Variants in ZFHX3 observed in about 807,000 individuals in gnomAD.
ZFHX3 encodes the protein zinc finger homeobox protein 3.
ZFHX3 carries 42 observed loss-of-function variants against 279.1 expected under a neutral mutation model. The ratio of observed to expected loss-of-function variants is 0.15; its 90% CI spans 0.12 to 0.19. The LOEUF (loss-of-function observed/expected upper bound fraction) is 0.19, where lower values mean the gene tolerates loss of function less well. ZFHX3 is among the 10% of genes least tolerant of loss of function. The probability of loss-of-function intolerance (pLI) is 1.00; values close to 1 mark genes in which losing one functional copy is unlikely to be tolerated. For missense variants in ZFHX3, 4,981 were observed against 4,754.0 expected, an observed-to-expected ratio of 1.05 and a Z score of -1.40; for synonymous variants, 2,293 against 1,957.8, an observed-to-expected ratio of 1.17 and a Z score of -4.52.
intron 3 of ZFHX3, among the ~76,000 whole-genome samples, chr16:72,930,323 T>G (rs1959716428): frequency 6.6e-6 from 1 of 152,154 alleles, no homozygotes; most frequent in Non-Finnish European, 1.5e-5. Flanking sequence ...GAGCGGCATC[T>G]GATCAAAACA....
At chr16:73,021,354 C>G (rs1254777734) in intron 1 of ZFHX3, among the ~76,000 whole-genome samples, 1 of 152,176 alleles carries the variant, frequency 6.6e-6, no homozygotes, top group South Asian at 2.1e-4. Context: ...ACTCTATGTC[C>G]TGTCTTGTCC....
At chr16:73,195,857 G>A (rs773962982) in intron 5 of ZFHX3, among the ~76,000 whole-genome samples, 3 of 152,168 alleles carry the variant, frequency 2.0e-5, no homozygotes, top group African/African-American at 7.2e-5. Flanking sequence ...GGAGAGAAGC[G>A]GTGGTTGCAG....
At position 72,960,131 on chromosome 16, in the gene ZFHX3, G is replaced by C. The variant is rs12922701; in HGVS notation, c.15C>G (p.Asp5Glu). 5 of 1,581,854 alleles carry C rather than the reference G, an allele frequency of 3.2e-6. No individual in the cohort carries two copies. The highest frequency in any genetic ancestry group is 4.3e-6 in the Non-Finnish European group (5 of 1,162,240). Reference sequence around the variant, plus strand: ...TGTCCTTCCCCGAGACGACGGGCGAGTCACAGCCTTCCATGGTAAGGCCTG... The same window carrying C: ...TGTCCTTCCCCGAGACGACGGGCGACTCACAGCCTTCCATGGTAAGGCCTG... MEGC[D>E]SPVVSGKDNG... Residue 5 changes from aspartate to glutamate, a missense_variant, in exon 2 of 10, where the codon GAC (aspartate) becomes GAG (glutamate). Transcript: ENST00000268489.
intron 2 of ZFHX3, among the ~76,000 whole-genome samples, chr16:73,561,439 C>T (rs886970989): frequency 6.6e-6 from 1 of 152,134 alleles, no homozygotes; most frequent in Non-Finnish European, 1.5e-5. Context: ...ATGCAGATAA[C>T]AAGAGTTAAA....
rs1333885925 is a variant in ZFHX3 at position 73,155,172 on chromosome 16, CAAAAAAACAAAAAAA to C, written c.-1103-11356_-1103-11342del. Among the ~76,000 whole-genome samples, 18 of 41,682 alleles carry C rather than the reference CAAAAAAACAAAAAAA, an allele frequency of 4.3e-4. 1 individual carries two copies. The highest frequency in any genetic ancestry group is 5.7e-4 in the African/African-American group (6 of 10,516). 27.3% of individuals were successfully genotyped at this position (41,682 alleles called of 152,430 possible). A position where few individuals can be genotyped will look rare whatever the true frequency, so the allele number is the denominator to read the frequency against. On this transcript the variant is annotated intron_variant, in intron 5 of 17. Transcript: ENST00000641206. ...TGGGTGACAGAGTGAGACTCTGTCTCAAAAAAACAAAAAAAAAAAAAACAAAAAAAAGGAAAAAAT... is the reference window on the plus strand; with the variant it reads ...TGGGTGACAGAGTGAGACTCTGTCTCAAAAAAACAAAAAAAAGGAAAAAAT...
chr16:73,554,962 G>A (rs2020253181), intron 2 of ZFHX3, among the ~76,000 whole-genome samples: 1 of 152,112 alleles, frequency 6.6e-6, no homozygotes, highest in Non-Finnish European at 1.5e-5. Flanking sequence ...GACTATCACG[G>A]CCAACTCCAG....
At chr16:73,023,045 T>C (rs1432979424) in intron 1 of ZFHX3, among the ~76,000 whole-genome samples, 1 of 152,104 alleles carries the variant, frequency 6.6e-6, no homozygotes, top group African/African-American at 2.4e-5. Context: ...CTGGCCAACA[T>C]GGCAAAACCC....
intron 7 of ZFHX3, among the ~76,000 whole-genome samples, chr16:73,121,618 C>CTT (rs35251426): frequency 0.016 from 2,201 of 140,284 alleles, 72 homozygotes; most frequent in African/African-American, 0.054. Flanking sequence ...TTGCAGCTTT[C>CTT]TTTTTTTTTT....
At chr16:72,882,981 T>G (rs185069869) in intron 4 of ZFHX3, among the ~76,000 whole-genome samples, 201 of 17,672 alleles carry the variant, frequency 0.011, no homozygotes, top group Middle Eastern at 0.071. Context: ...CTCTGGGGTG[T>G]GTGTGTGTGT....
intron 1 of ZFHX3, among the ~76,000 whole-genome samples, chr16:73,788,155 G>A (rs565324269): frequency 6.6e-6 from 1 of 152,278 alleles, no homozygotes; most frequent in East Asian, 1.9e-4. Flanking sequence ...AGGAGCTGTA[G>A]GCTTCAGTAG....
At chr16:73,317,518 G>GA (rs1221406046) in intron 4 of ZFHX3, among the ~76,000 whole-genome samples, 1 of 152,128 alleles carries the variant, frequency 6.6e-6, no homozygotes, top group Non-Finnish European at 1.5e-5. Flanking sequence ...GCACAGGAGA[G>GA]AAAATAGCAT....
At chr16:73,575,640 G>T (rs892983163) in intron 2 of ZFHX3, among the ~76,000 whole-genome samples, 1 of 152,128 alleles carries the variant, frequency 6.6e-6, no homozygotes, top group Non-Finnish European at 1.5e-5. Context: ...GGATTTTCAG[G>T]GGGAGAAAAT....
chr16:73,824,381 CTTT>C (rs770822715), intron 1 of ZFHX3, among the ~76,000 whole-genome samples: 2,613 of 112,140 alleles, frequency 0.023, 55 homozygotes, highest in African/African-American at 0.064. Flanking sequence ...CAAATAATTT[CTTT>C]TTTTTTTTTT....
intron 3 of ZFHX3, among the ~76,000 whole-genome samples, chr16:72,923,507 G>A (rs1959258932): frequency 6.6e-6 from 1 of 150,990 alleles, no homozygotes; most frequent in Non-Finnish European, 1.5e-5. Context: ...CTTGATAGAG[G>A]CAAACACCTC....
chr16:72,977,951 G>A (rs929984574), intron 1 of ZFHX3, among the ~76,000 whole-genome samples: 2 of 151,642 alleles, frequency 1.3e-5, no homozygotes, highest in East Asian at 1.9e-4. Flanking sequence ...TGCAACCTCC[G>A]CCTCCCAGGT....
At chr16:73,344,552 G>A (rs989835734) in intron 3 of ZFHX3, among the ~76,000 whole-genome samples, 1 of 152,186 alleles carries the variant, frequency 6.6e-6, no homozygotes, top group African/African-American at 2.4e-5. Context: ...TCAATTTTCT[G>A]ATTTAGATAA....
At chr16:73,231,581 T>C (rs903324151) in intron 5 of ZFHX3, among the ~76,000 whole-genome samples, 2 of 152,142 alleles carry the variant, frequency 1.3e-5, no homozygotes, top group Admixed American at 1.3e-4. Context: ...CCTCCAGGGA[T>C]CAATAGTTCG....
In ZFHX3 at chr16:72,783,957, T is replaced by G. The variant is rs752958436; in HGVS notation, c.*3207A>C. ...TCTAACTCATGTTTGACCTCTAATG[T>G]TCACCATCACTGACTGCTTTGCTAC... On this transcript the variant is annotated 3_prime_UTR_variant, in exon 10 of 10. Transcript: ENST00000268489. 1 of 152,258 alleles carries G rather than the reference T, an allele frequency of 6.6e-6. No homozygotes were observed. The highest frequency in any genetic ancestry group is 2.4e-5 in the African/African-American group (1 of 41,462). 9.4% of individuals were successfully genotyped at this position (152,258 alleles called of 1,614,324 possible). A position where few individuals can be genotyped will look rare whatever the true frequency, so the allele number is the denominator to read the frequency against.
In ZFHX3 at chr16:73,345,634, T is replaced by C. The variant is rs906998164; in HGVS notation, c.-1290-27298A>G. On this transcript the variant is annotated intron_variant, in intron 3 of 17. Coordinates refer to the ZFHX3 transcript ENST00000641206. The stretch of plus-strand genomic sequence containing the variant: ...ATGTACCACATTTTCTTTATCCGCT[T>C]TATCACTGATGGGCATTTGGGTTGA... 3.3e-5 allele frequency among the ~76,000 whole-genome samples: 5 copies of C among 152,304 alleles called. No individual in the cohort carries two copies. The East Asian group carries it at 9.6e-4, about 29-fold the overall frequency.
Sources: allele counts gnomAD v4.1 joint callset (sites outside exome capture counted in the v4.1 genomes callset), GRCh38; gene constraint gnomAD v4.1.1; transcripts MANE v1.5; gene names NCBI Gene and HGNC (gene_info 2026-07-23, HGNC 2026-07-21).